The following SUGT1 variants were observed in gnomAD, a reference collection of about 807,000 sequenced individuals.
SUGT1 encodes SGT1 assembly cochaperone of MIS12 kinetochore complex, also known as protein SGT1 homolog.
In SUGT1, 15 loss-of-function variants were observed where a neutral mutation model predicts 56.1. That is an observed-to-expected ratio of 0.27 (90% CI 0.18 to 0.41). The LOEUF is 0.41. Ranked by LOEUF, SUGT1 falls within the 10% of genes least tolerant of loss-of-function variation. The probability of loss-of-function intolerance (pLI) is 1.00; values close to 1 mark genes in which losing one functional copy is unlikely to be tolerated. For missense variants in SUGT1, 347 were observed against 382.2 expected (o/e 0.91, Z 0.77); for synonymous variants, 123 against 128.6 (o/e 0.96, Z 0.30).
intron 11 of SUGT1, among the ~76,000 whole-genome samples, chr13:52,677,980 T>C (rs983439193): frequency 6.6e-5 from 10 of 152,188 alleles, no homozygotes; most frequent in Non-Finnish European, 1.2e-4. Flanking sequence ...TGTCCTGTTT[T>C]TGTAAGAAAT....
intron 12 of SUGT1, among the ~76,000 whole-genome samples, chr13:52,684,627 C>T (rs538936752): frequency 7.2e-5 from 11 of 152,094 alleles, no homozygotes; most frequent in South Asian, 2.1e-4. Context: ...CAGCCTTGAC[C>T]TCCTGGGCTC....
chr13:52,697,966 A>G lies in SUGT1; in HGVS notation c.*10131A>G, dbSNP rs767276658. ...CGTTTATTCCTTAACACATTAAACT[A>G]TAGGTAATAGCATATGTTAGTCTAA... On this transcript the variant is annotated 3_prime_UTR_variant, in exon 13 of 13. Transcript: ENST00000310528. 5.9e-5 allele frequency: 9 copies of G among 152,210 alleles called. No homozygotes were observed. Among genetic ancestry groups the G allele is most frequent in the Non-Finnish European group, 1.0e-4 (7 of 68,038 alleles). 9.4% of individuals were successfully genotyped at this position (152,210 alleles called of 1,614,324 possible).
At chr13:52,668,607 C>T (rs1282870347) in intron 10 of SUGT1, among the ~76,000 whole-genome samples, 2 of 152,044 alleles carry the variant, frequency 1.3e-5, no homozygotes, top group South Asian at 2.1e-4. Context: ...TGAAATCTTA[C>T]CAGGATTTTG....
intron 9 of SUGT1, 140 bp downstream of exon 9, chr13:52,665,873 G>A (rs779011402): frequency 2.6e-5 from 16 of 613,752 alleles, no homozygotes; most frequent in Non-Finnish European, 4.1e-5. Flanking sequence ...AAAATCTGAA[G>A]CCATTGCTTT....
At chr13:52,653,451 C>A (rs755407832) in intron 2 of SUGT1, among the ~76,000 whole-genome samples, 1 of 151,980 alleles carries the variant, frequency 6.6e-6, no homozygotes, top group Non-Finnish European at 1.5e-5. Context: ...TTAATTTTTT[C>A]GTTTGACAAT....
At position 52,691,900 on chromosome 13, in the gene SUGT1, C is replaced by T. The variant is rs1963788904; in HGVS notation, c.*4065C>T. 6.6e-6 allele frequency: 1 copy of T among 152,182 alleles called. No homozygotes were observed. The highest frequency in any genetic ancestry group is 1.5e-5 in the Non-Finnish European group (1 of 68,026). The allele number at this position is 152,182 out of a possible 1,614,324, so 9.4% of individuals were successfully genotyped here. A position where few individuals can be genotyped will look rare whatever the true frequency, so the allele number is the denominator to read the frequency against. On this transcript the variant is annotated 3_prime_UTR_variant, in exon 13 of 13. Coordinates refer to ENST00000310528, the MANE Select transcript of SUGT1 (RefSeq NM_006704.5). ...TTAAATCGTAAGATCATTTTACACA[C>T]ACCAAGAGATTTTATTTTGGGAACT...
At position 52,699,720 on chromosome 13, in the gene SUGT1, A is replaced by T. The variant is rs1408621294; in HGVS notation, c.*11885A>T. The T allele has an allele frequency of 6.6e-6, 1 of 152,238 alleles. No individual in the cohort carries two copies. Among genetic ancestry groups the T allele is most frequent in the Non-Finnish European group, 1.5e-5 (1 of 68,032 alleles). The allele number at this position is 152,238 out of a possible 1,614,324, so 9.4% of individuals were successfully genotyped here. A position where few individuals can be genotyped will look rare whatever the true frequency, so the allele number is the denominator to read the frequency against. On this transcript the variant is annotated 3_prime_UTR_variant, in exon 13 of 13. Coordinates refer to ENST00000310528, the MANE Select transcript of SUGT1 (RefSeq NM_006704.5). The stretch of plus-strand genomic sequence containing the variant: ...CAGTATATGGCAAATTTAGTATAAA[A>T]GATGATTAATTATCAAGGCTGATGA...
Position 52,677,632 on chromosome 13 carries a change from G to T in SUGT1, c.718+1312G>T, listed in dbSNP as rs568486436. On this transcript the variant is annotated intron_variant, in intron 11 of 12. Transcript: ENST00000310528. ...CATTTTGCAGGCTCAGAAAAGTTAA[G>T]CTCAAGATTATCCCTCAGTTCTCAT... Among the ~76,000 whole-genome samples, 31 of 152,262 alleles carry T rather than the reference G, an allele frequency of 2.0e-4. No individual in the cohort carries two copies. The East Asian group carries it at 5.8e-3, about 28-fold the overall frequency.
intron 8 of SUGT1, among the ~76,000 whole-genome samples, chr13:52,665,323 TTAAAA>T (rs146595157): frequency 0.014 from 2,089 of 152,282 alleles, 45 homozygotes; most frequent in African/African-American, 0.048. Context: ...ATTAGCTTGT[TTAAAA>T]TAAATGACAT....
intron 10 of SUGT1, among the ~76,000 whole-genome samples, chr13:52,673,547 T>C (rs1963024090): frequency 1.3e-5 from 2 of 152,260 alleles, no homozygotes; most frequent in Admixed American, 1.3e-4. Flanking sequence ...CTTTGCCTTT[T>C]GCTTTATAAA....
intron 9 of SUGT1, among the ~76,000 whole-genome samples, chr13:52,666,290 T>C (rs563294700): frequency 3.3e-5 from 5 of 152,208 alleles, no homozygotes; most frequent in Non-Finnish European, 7.3e-5. Context: ...TTGGCCAGGC[T>C]GTTGTCGAAT....
rs559594056 is a variant in SUGT1 at position 52,658,139 on chromosome 13, T to G, written c.188-260T>G. ...CTTGAGTAAAATTACATAGAAAATG[T>G]TAATGAGACAAGGAGGTGAATTTTG... On this transcript the variant is annotated intron_variant, in intron 3 of 12. Transcript: ENST00000310528. 2.2e-6 allele frequency: 3 copies of G among 1,381,706 alleles called. No individual in the cohort carries two copies. In the East Asian group the frequency reaches 1.0e-4, roughly 46 times the overall value. The allele number at this position is 1,381,706 out of a possible 1,614,324, so 85.6% of individuals were successfully genotyped here.
chr13:52,671,643 A>G (rs1325650775), intron 10 of SUGT1, among the ~76,000 whole-genome samples: 3 of 152,204 alleles, frequency 2.0e-5, no homozygotes, highest in Admixed American at 2.0e-4. Flanking sequence ...TATTGATAAT[A>G]GCATTCTGTT....
chr13:52,673,232 C>T (rs985830577), intron 10 of SUGT1, among the ~76,000 whole-genome samples: 2 of 112,978 alleles, frequency 1.8e-5, no homozygotes, highest in Admixed American at 1.2e-4. Flanking sequence ...TTAGTCCCTC[C>T]CTTCTTTTAC....
At chr13:52,667,767 T>C (rs963256082) in intron 10 of SUGT1, among the ~76,000 whole-genome samples, 1 of 152,060 alleles carries the variant, frequency 6.6e-6, no homozygotes, top group Non-Finnish European at 1.5e-5. Flanking sequence ...AACTGAAAAT[T>C]TAAAAATCTG....
intron 10 of SUGT1, among the ~76,000 whole-genome samples, chr13:52,671,833 C>G (rs1447999454): frequency 3.3e-5 from 5 of 152,136 alleles, no homozygotes; most frequent in African/African-American, 1.2e-4. Context: ...TGTGACTCTT[C>G]TAACTATACA....
At chr13:52,664,640 T>C (rs1218837937) in intron 8 of SUGT1, among the ~76,000 whole-genome samples, 2 of 152,332 alleles carry the variant, frequency 1.3e-5, no homozygotes, top group East Asian at 3.9e-4. Context: ...AAAGTTCATT[T>C]CTTTAATCAA....
chr13:52,671,216 TTTC>T (rs1962922540), intron 10 of SUGT1, among the ~76,000 whole-genome samples: 1 of 151,942 alleles, frequency 6.6e-6, no homozygotes, highest in African/African-American at 2.4e-5. Context: ...AATAGTGAGA[TTTC>T]TTTTTTAACT....
chr13:52,680,206 T>A, intron 12 of SUGT1, 51 bp downstream of exon 12: 1 of 1,509,250 alleles, frequency 6.6e-7, no homozygotes, highest in South Asian at 1.3e-5. Context: ...TTTACATATT[T>A]TAAACGAGAA....
Sources: allele counts gnomAD v4.1 joint callset (sites outside exome capture counted in the v4.1 genomes callset), GRCh38; gene constraint gnomAD v4.1.1; transcripts MANE v1.5; gene names NCBI Gene and HGNC (gene_info 2026-07-23, HGNC 2026-07-21).